Variants in MCM9 observed in about 807,000 individuals in gnomAD.
MCM9 encodes DNA helicase MCM9.
MCM9 carries 55 observed loss-of-function variants against 72.8 expected under a neutral mutation model. The ratio of observed to expected loss-of-function variants is 0.76; its 90% confidence interval spans 0.61 to 0.95. The LOEUF (loss-of-function observed/expected upper bound fraction) is 0.95. Among genes scored for constraint, MCM9 ranks in the 40% least tolerant of loss-of-function variants. The pLI is 0.00. For missense variants in MCM9, 1,279 were observed against 1,377.0 expected (o/e 0.93, Z 1.13); for synonymous variants, 480 against 503.4 (o/e 0.95, Z 0.62).
At chr6:118,897,785 C>A (rs184477504) in intron 8 of MCM9, among the ~76,000 whole-genome samples, 2 of 151,834 alleles carry the variant, frequency 1.3e-5, no homozygotes, top group Non-Finnish European at 2.9e-5. Context: ...ACCCTTCCTC[C>A]CTCAAATACA....
intron 8 of MCM9, among the ~76,000 whole-genome samples, chr6:118,900,106 T>C (rs1779704142): frequency 6.6e-6 from 1 of 152,232 alleles, no homozygotes; most frequent in South Asian, 2.1e-4. Context: ...GTATACTCTA[T>C]TGTATCACGT....
chr6:118,844,752 T>G (rs1775740829), intron 9 of MCM9, among the ~76,000 whole-genome samples: 1 of 151,844 alleles, frequency 6.6e-6, no homozygotes, highest in Non-Finnish European at 1.5e-5. Flanking sequence ...ACTCAAGACT[T>G]TTCTCATGAA....
At chr6:118,821,197 T>C (rs1016055782) in intron 13 of MCM9, among the ~76,000 whole-genome samples, 12 of 152,200 alleles carry the variant, frequency 7.9e-5, no homozygotes, top group African/African-American at 2.9e-4. Context: ...GCACATTAGT[T>C]GATGCAGTTT....
Position 118,899,184 on chromosome 6 carries a change from C to T in MCM9, c.1150+12466G>A, listed in dbSNP as rs115854639. On this transcript the variant is annotated intron_variant, in intron 8 of 13. Coordinates refer to ENST00000619706, the MANE Select transcript of MCM9 (RefSeq NM_017696.3). Reference sequence around the variant, plus strand: ...TTGTTTCTTCCCTTGTCCTCTTACACTCTATATTGAACACAGCAATCAAAG... The same window carrying T: ...TTGTTTCTTCCCTTGTCCTCTTACATTCTATATTGAACACAGCAATCAAAG... Among the ~76,000 whole-genome samples the T allele has an allele frequency of 7.9e-3, 1,208 of 152,314 alleles. 13 individuals carry two copies. The highest frequency in any genetic ancestry group is 0.027 in the African/African-American group (1,122 of 41,544).
intron 6 of MCM9, among the ~76,000 whole-genome samples, chr6:118,914,319 T>G (rs1310648510): frequency 6.6e-6 from 1 of 152,144 alleles, no homozygotes; most frequent in Non-Finnish European, 1.5e-5. Context: ...ATCTCTTCCA[T>G]GAATAAAGCA....
At chr6:118,852,714 A>G (rs1776309047) in intron 9 of MCM9, among the ~76,000 whole-genome samples, 1 of 152,200 alleles carries the variant, frequency 6.6e-6, no homozygotes, top group Admixed American at 6.5e-5. Flanking sequence ...AAATATATGC[A>G]TTTTTATATT....
intron 9 of MCM9, among the ~76,000 whole-genome samples, chr6:118,853,159 G>A (rs1776332748): frequency 6.6e-6 from 1 of 152,066 alleles, no homozygotes; most frequent in East Asian, 1.9e-4. Context: ...ATAGTCAAGT[G>A]TTCTAGCACA....
intron 8 of MCM9, among the ~76,000 whole-genome samples, chr6:118,884,737 C>A (rs751215184): frequency 2.6e-5 from 4 of 151,978 alleles, no homozygotes; most frequent in Non-Finnish European, 5.9e-5. Context: ...GAAAAACATA[C>A]GTATGTAAAT....
At chr6:118,845,250 G>T (rs1175588438) in intron 9 of MCM9, among the ~76,000 whole-genome samples, 1 of 151,906 alleles carries the variant, frequency 6.6e-6, no homozygotes, top group Non-Finnish European at 1.5e-5. Flanking sequence ...GTTTGAAGAT[G>T]AATAAACTTC....
intron 8 of MCM9, among the ~76,000 whole-genome samples, chr6:118,869,599 C>CAAAAAAAAA: frequency 6.0e-3 from 345 of 57,198 alleles, no homozygotes; most frequent in Non-Finnish European, 8.0e-3. Flanking sequence ...AAAGGATTTA[C>CAAAAAAAAA]AAAAAAAAAA....
At chr6:118,870,223 ATAT>A (rs765240290) in intron 8 of MCM9, among the ~76,000 whole-genome samples, 2 of 152,140 alleles carry the variant, frequency 1.3e-5, no homozygotes. Context: ...AATACACAAA[ATAT>A]TCTCCAAGAC....
At chr6:118,927,700 T>C (rs1326025219) in intron 3 of MCM9, among the ~76,000 whole-genome samples, 2 of 152,148 alleles carry the variant, frequency 1.3e-5, no homozygotes, top group African/African-American at 2.4e-5. Flanking sequence ...ATAAACTGTA[T>C]AGACAGACAC....
intron 9 of MCM9, among the ~76,000 whole-genome samples, chr6:118,846,364 G>A (rs939366994): frequency 6.6e-6 from 1 of 151,862 alleles, no homozygotes; most frequent in East Asian, 1.9e-4. Context: ...TTACTGGAGT[G>A]GAAAGATCAG....
chr6:118,908,467 G>A (rs942742956), intron 8 of MCM9: 4 of 152,000 alleles, frequency 2.6e-5, no homozygotes, highest in Non-Finnish European at 5.9e-5. Context: ...AATAGATCAT[G>A]TTATTGGCAG....
chr6:118,934,292 G>C (rs560701720), intron 1 of MCM9: 1 of 151,650 alleles, frequency 6.6e-6, no homozygotes, highest in Non-Finnish European at 1.5e-5. Flanking sequence ...AGACACTGGA[G>C]GGACTTTTTG....
At chr6:118,932,326 C>A (rs937416446) in intron 2 of MCM9, among the ~76,000 whole-genome samples, 1 of 152,114 alleles carries the variant, frequency 6.6e-6, no homozygotes, top group Non-Finnish European at 1.5e-5. Context: ...CACCTAATGA[C>A]AAATTTCTCA....
At chr6:118,853,240 G>C (rs944426068) in intron 9 of MCM9, among the ~76,000 whole-genome samples, 1 of 152,096 alleles carries the variant, frequency 6.6e-6, no homozygotes, top group African/African-American at 2.4e-5. Context: ...GACATTATCT[G>C]TGGGTCTATT....
chr6:118,914,942 T>C lies in MCM9; in HGVS notation c.905-1522A>G, dbSNP rs74660696. Among the ~76,000 whole-genome samples the C allele has an allele frequency of 3.5e-3, 527 of 152,320 alleles. 3 individuals carry two copies. The highest frequency in any genetic ancestry group is 0.011 in the African/African-American group (463 of 41,568). On this transcript the variant is annotated intron_variant, in intron 6 of 13. Coordinates refer to ENST00000619706, the MANE Select transcript of MCM9 (RefSeq NM_017696.3). ...GTCTGCAAAATGGAGATTATAATGG[T>C]ATCAAGACAGAATTGTTGAGAATCA...
At chr6:118,871,386 A>G (rs1777584389) in intron 8 of MCM9, among the ~76,000 whole-genome samples, 1 of 152,230 alleles carries the variant, frequency 6.6e-6, no homozygotes, top group South Asian at 2.1e-4. Context: ...CCATAAAATC[A>G]TTTCAATAGA....
Sources: gnomAD v4.1 joint callset for allele counts (sites outside exome capture counted in the v4.1 genomes callset) on GRCh38, gnomAD v4.1.1 for gene constraint, MANE v1.5 for transcripts, NCBI Gene and HGNC (gene_info 2026-07-23, HGNC 2026-07-21) for gene names.